The following CNTN5 variants were observed in gnomAD, a reference collection of about 807,000 sequenced individuals.
The protein encoded by CNTN5 is contactin 5, also known as contactin-5.
Under a neutral mutation model 129.1 loss-of-function variants are expected in CNTN5, and 77 were observed. The observed-to-expected ratio is 0.60, with a 90% CI of 0.50 to 0.72. CNTN5 has a LOEUF of 0.72. Among genes scored for constraint, CNTN5 ranks in the 30% least tolerant of loss-of-function variants. The probability of loss-of-function intolerance (pLI) is 0.00; values close to 1 mark genes in which losing one functional copy is unlikely to be tolerated. For missense variants in CNTN5, 1,478 were observed against 1,328.8 expected, an observed-to-expected ratio of 1.11 and a Z score of -1.75; for synonymous variants, 509 against 465.6, an observed-to-expected ratio of 1.09 and a Z score of -1.20.
At chr11:99,792,153 A>C (rs1945767284) in intron 3 of CNTN5, among the ~76,000 whole-genome samples, 2 of 152,036 alleles carry the variant, frequency 1.3e-5, no homozygotes, top group Non-Finnish European at 2.9e-5. Flanking sequence ...GGAATGGTGA[A>C]AATGGTCACT....
chr11:99,826,875 C>G (rs1356428496), intron 4 of CNTN5, among the ~76,000 whole-genome samples: 4 of 152,016 alleles, frequency 2.6e-5, no homozygotes, highest in Non-Finnish European at 4.4e-5. Context: ...TAAAGTCTCT[C>G]TCATGGGAGG....
At chr11:99,306,104 C>G (rs1864864209) in intron 1 of CNTN5, among the ~76,000 whole-genome samples, 1 of 151,954 alleles carries the variant, frequency 6.6e-6, no homozygotes, top group Admixed American at 6.6e-5. Context: ...CCAAAGCTAC[C>G]AAATTTTTCA....
chr11:100,097,864 T>C (rs1232935258), intron 13 of CNTN5, among the ~76,000 whole-genome samples: 2 of 152,104 alleles, frequency 1.3e-5, no homozygotes, highest in African/African-American at 4.8e-5. Context: ...CAAAACTATA[T>C]CCTCTGTTAT....
At chr11:99,855,797 A>G (rs1948015097) in intron 6 of CNTN5, among the ~76,000 whole-genome samples, 1 of 151,862 alleles carries the variant, frequency 6.6e-6, no homozygotes, top group South Asian at 2.1e-4. Context: ...TTGACCTATA[A>G]GCTTAAACTA....
chr11:99,586,055 T>C (rs1335274203), intron 3 of CNTN5, among the ~76,000 whole-genome samples: 1 of 152,162 alleles, frequency 6.6e-6, no homozygotes, highest in African/African-American at 2.4e-5. Flanking sequence ...TTGATATATA[T>C]CTCATATCAT....
At chr11:99,250,871 T>G (rs950568078) in intron 1 of CNTN5, among the ~76,000 whole-genome samples, 12 of 152,080 alleles carry the variant, frequency 7.9e-5, no homozygotes, top group Admixed American at 2.6e-4. Flanking sequence ...CTTAAATGTC[T>G]AATTTTCTAA....
At chr11:99,221,780 C>T (rs1184304561) in intron 1 of CNTN5, among the ~76,000 whole-genome samples, 4 of 151,802 alleles carry the variant, frequency 2.6e-5, no homozygotes, top group East Asian at 1.9e-4. Context: ...ACAAACACTT[C>T]GTAAACAATT....
Position 99,049,525 on chromosome 11 carries a change from C to T in CNTN5, c.-210+28255C>T, listed in dbSNP as rs189030519. 2.0e-5 allele frequency: 3 copies of T among 152,152 alleles called. No individual in the cohort carries two copies. In the South Asian group the frequency reaches 6.2e-4, roughly 32 times the overall value. 9.4% of individuals were successfully genotyped at this position (152,152 alleles called of 1,614,324 possible). A position where few individuals can be genotyped will look rare whatever the true frequency, so the allele number is the denominator to read the frequency against. ...GAAATAAATAAACGTTTAAAAAATTCTCCAGATAAAGAACAGAAAGTGAGA... is the reference window on the plus strand; with the variant it reads ...GAAATAAATAAACGTTTAAAAAATTTTCCAGATAAAGAACAGAAAGTGAGA... On this transcript the variant is annotated intron_variant, in intron 1 of 24. Coordinates refer to ENST00000524871, the MANE Select transcript of CNTN5 (RefSeq NM_014361.4).
chr11:100,306,585 TAA>T (rs1278424246), intron 20 of CNTN5, among the ~76,000 whole-genome samples: 1 of 151,704 alleles, frequency 6.6e-6, no homozygotes, highest in African/African-American at 2.4e-5. Flanking sequence ...TCCTTTCAAA[TAA>T]ACTGTATCCT....
chr11:99,192,573 C>T (rs957955205), intron 1 of CNTN5, among the ~76,000 whole-genome samples: 4 of 151,840 alleles, frequency 2.6e-5, no homozygotes, highest in African/African-American at 9.7e-5. Flanking sequence ...AATTATCTTA[C>T]AATTTCCTTT....
At position 99,239,664 on chromosome 11, in the gene CNTN5, G is replaced by C. The variant is rs369559806; in HGVS notation, c.-209-85682G>C. Among the ~76,000 whole-genome samples the C allele has an allele frequency of 1.3e-3, 205 of 152,224 alleles. 1 individual carries two copies. Among genetic ancestry groups the C allele is most frequent in the South Asian group, 0.013 (64 of 4,822 alleles). On this transcript the variant is annotated intron_variant, in intron 1 of 24. Transcript: ENST00000524871. ...CAAAAAGTCACATAAGGCCGGGCGCGGTGGCTCACGCCTGTAATCCCAGCA... is the reference window on the plus strand; with the variant it reads ...CAAAAAGTCACATAAGGCCGGGCGCCGTGGCTCACGCCTGTAATCCCAGCA...
Position 99,731,105 on chromosome 11 carries a change from AT to A in CNTN5, c.56-88429del, listed in dbSNP as rs888534233. On this transcript the variant is annotated intron_variant, in intron 3 of 24. Coordinates refer to ENST00000524871, the MANE Select transcript of CNTN5 (RefSeq NM_014361.4). ...GCAGCTATATAACCTGGAAATCAGC[AT>A]TTTTTTTTTCTTTTTTTTTTGAGAC... 9.2e-4 allele frequency among the ~76,000 whole-genome samples: 137 copies of A among 148,130 alleles called. 1 individual carries two copies. Among genetic ancestry groups the A allele is most frequent in the African/African-American group, 1.8e-3 (72 of 40,314 alleles).
At chr11:100,309,332 T>G in intron 21 of CNTN5, 1 of 983,348 alleles carries the variant, frequency 1.0e-6, no homozygotes, top group South Asian at 4.7e-5. Context: ...CTGAAACATA[T>G]TTTTAATTCT....
intron 3 of CNTN5, among the ~76,000 whole-genome samples, chr11:99,594,453 A>T (rs183165798): frequency 1.3e-5 from 2 of 152,200 alleles, no homozygotes; most frequent in African/African-American, 2.4e-5. Context: ...ACCATTGTGT[A>T]AGCTCAATTC....
chr11:99,038,635 A>T (rs2135127039), intron 1 of CNTN5, among the ~76,000 whole-genome samples: 1 of 152,224 alleles, frequency 6.6e-6, no homozygotes, highest in Non-Finnish European at 1.5e-5. Context: ...AGGGCAGTAG[A>T]CCAACGCTTC....
chr11:99,815,668 G>C (rs995137962), intron 3 of CNTN5, among the ~76,000 whole-genome samples: 10 of 152,142 alleles, frequency 6.6e-5, no homozygotes, highest in Admixed American at 2.0e-4. Context: ...GTGTGGAGCA[G>C]GCAGGAAGCT....
At chr11:99,590,661 T>C (rs1342786713) in intron 3 of CNTN5, among the ~76,000 whole-genome samples, 1 of 152,146 alleles carries the variant, frequency 6.6e-6, no homozygotes, top group African/African-American at 2.4e-5. Flanking sequence ...ACAAAGGGAA[T>C]AGCAAATGCA....
intron 13 of CNTN5, among the ~76,000 whole-genome samples, chr11:100,075,950 G>A (rs1255801013): frequency 1.3e-5 from 2 of 152,012 alleles, no homozygotes; most frequent in Non-Finnish European, 2.9e-5. Flanking sequence ...ATCATGTTCT[G>A]AGCCCCAACA....
intron 1 of CNTN5, among the ~76,000 whole-genome samples, chr11:99,091,021 C>CAAAAAAAAAAAA (rs68113369): frequency 1.1e-4 from 6 of 56,754 alleles, no homozygotes; most frequent in African/African-American, 2.2e-4. Context: ...GACTCCGTCT[C>CAAAAAAAAAAAA]AAAAAAAAAA....
Sources: allele counts gnomAD v4.1 joint callset (sites outside exome capture counted in the v4.1 genomes callset), GRCh38; gene constraint gnomAD v4.1.1; transcripts MANE v1.5; gene names NCBI Gene and HGNC (gene_info 2026-07-23, HGNC 2026-07-21).